PHF21A: variants seen among roughly 807,000 people sequenced by gnomAD.
PHF21A encodes BHC80a.
Under a neutral mutation model 82.5 loss-of-function variants are expected in PHF21A, and 11 were observed. The ratio of observed to expected loss-of-function variants is 0.13; its 90% CI spans 0.08 to 0.22. The LOEUF (loss-of-function observed/expected upper bound fraction) is 0.22, where lower values mean the gene tolerates loss of function less well. PHF21A is among the 10% of genes least tolerant of loss of function. PHF21A has a pLI of 1.00. For missense variants in PHF21A, 579 were observed against 837.8 expected, an observed-to-expected ratio of 0.69 and a Z score of 3.81; for synonymous variants, 297 against 302.8, an observed-to-expected ratio of 0.98 and a Z score of 0.20.
intron 6 of PHF21A, among the ~76,000 whole-genome samples, chr11:46,008,606 G>A (rs1005475732): frequency 7.2e-5 from 11 of 152,102 alleles, no homozygotes; most frequent in African/African-American, 9.7e-5. Flanking sequence ...GGCAAGATAT[G>A]GTGGAAATGT....
intron 3 of PHF21A, among the ~76,000 whole-genome samples, chr11:46,087,718 T>C (rs559314818): frequency 6.6e-6 from 1 of 152,308 alleles, no homozygotes; most frequent in East Asian, 1.9e-4. Context: ...GGGTCTCATA[T>C]GTTGCCCAGG....
At chr11:46,050,690 T>TA (rs1462587521) in intron 6 of PHF21A, among the ~76,000 whole-genome samples, 1 of 152,218 alleles carries the variant, frequency 6.6e-6, no homozygotes, top group East Asian at 1.9e-4. Context: ...TTACAATTTT[T>TA]AATTACTTCA....
At chr11:45,974,559 T>A (rs2093934987) in intron 7 of PHF21A, among the ~76,000 whole-genome samples, 1 of 152,010 alleles carries the variant, frequency 6.6e-6, no homozygotes, top group African/African-American at 2.4e-5. Context: ...GCTCAAGTAA[T>A]CCTCCCATCT....
At chr11:46,117,092 C>G (rs1281475752) in intron 1 of PHF21A, 3 of 152,202 alleles carry the variant, frequency 2.0e-5, no homozygotes, top group Admixed American at 6.5e-5. Context: ...AATTAGTTAC[C>G]TATCTCAACA....
chr11:46,076,992 C>T (rs1414726324), intron 5 of PHF21A, among the ~76,000 whole-genome samples, 173 bp from the exon 6 acceptor site: 2 of 152,220 alleles, frequency 1.3e-5, no homozygotes, highest in African/African-American at 4.8e-5. Flanking sequence ...ATGCACAGAT[C>T]CTAAATACAG....
intron 6 of PHF21A, among the ~76,000 whole-genome samples, chr11:46,011,320 C>G (rs1000179045): frequency 2.0e-5 from 3 of 152,086 alleles, no homozygotes; most frequent in African/African-American, 7.2e-5. Context: ...AAAACCCTGT[C>G]TCTACTAAAA....
rs1252364834 is a variant in PHF21A at position 46,092,201 on chromosome 11, C to T, written c.-214G>A. 2 of 151,970 alleles carry T rather than the reference C, an allele frequency of 1.3e-5. No individual in the cohort carries two copies. Among genetic ancestry groups the T allele is most frequent in the Non-Finnish European group, 2.9e-5 (2 of 68,014 alleles). The allele number at this position is 151,970 out of a possible 1,614,324, so 9.4% of individuals were successfully genotyped here. A position where few individuals can be genotyped will look rare whatever the true frequency, so the allele number is the denominator to read the frequency against. On this transcript the variant is annotated 5_prime_UTR_variant, in exon 2 of 19. Transcript: ENST00000676320. ...TACTTACCAATTTTGGGGAAACTGG[C>T]TCTCCTTCAGCTCTCTAGCCCCCTA...
chr11:46,090,928 T>A (rs2096917087), intron 2 of PHF21A, among the ~76,000 whole-genome samples: 1 of 152,078 alleles, frequency 6.6e-6, no homozygotes, highest in South Asian at 2.1e-4. Context: ...ACAAAAAAAA[T>A]TTGCAACCTC....
chr11:46,062,016 C>T (rs1201517539), intron 6 of PHF21A, among the ~76,000 whole-genome samples: 2 of 151,948 alleles, frequency 1.3e-5, no homozygotes, highest in African/African-American at 2.4e-5. Flanking sequence ...CCAATGACTG[C>T]TAGCTTTCTT....
intron 6 of PHF21A, among the ~76,000 whole-genome samples, chr11:46,009,826 T>C (rs932707516): frequency 3.9e-5 from 6 of 152,252 alleles, no homozygotes; most frequent in African/African-American, 1.2e-4. Flanking sequence ...GTGTGGTTAC[T>C]CAGGATAACA....
intron 4 of PHF21A, among the ~76,000 whole-genome samples, chr11:46,079,437 G>A (rs1446062202): frequency 6.6e-6 from 1 of 152,218 alleles, no homozygotes; most frequent in African/African-American, 2.4e-5. Flanking sequence ...GCTTCCGAAA[G>A]GAATTTAAGC....
In PHF21A at chr11:46,076,837, A is replaced by G; in HGVS notation, c.88-18T>C. 6.3e-7 allele frequency: 1 copy of G among 1,592,482 alleles called. No homozygotes were observed. Among genetic ancestry groups the G allele is most frequent in the Non-Finnish European group, 8.6e-7 (1 of 1,160,364 alleles). ...TCAGCATTCTGATTGGAAAGAAAAAATATCTGTGAGAAAGATATTTCATTT... is the reference window on the plus strand; with the variant it reads ...TCAGCATTCTGATTGGAAAGAAAAAGTATCTGTGAGAAAGATATTTCATTT... On this transcript the variant is annotated intron_variant, in intron 5 of 18. Coordinates refer to ENST00000676320, the MANE Select transcript of PHF21A (RefSeq NM_001352027.3).
At chr11:46,044,463 AT>A (rs1439724801) in intron 6 of PHF21A, among the ~76,000 whole-genome samples, 2 of 146,408 alleles carry the variant, frequency 1.4e-5, no homozygotes. Context: ...TTCCACCCCC[AT>A]TTGGATTTCA....
intron 10 of PHF21A, among the ~76,000 whole-genome samples, chr11:45,959,297 T>C (rs1325578827): frequency 6.6e-6 from 1 of 152,248 alleles, no homozygotes; most frequent in Non-Finnish European, 1.5e-5. Flanking sequence ...TGTATATGTA[T>C]ATCAAACCAT....
At chr11:45,991,410 C>T (rs1231481992) in intron 6 of PHF21A, among the ~76,000 whole-genome samples, 1 of 152,066 alleles carries the variant, frequency 6.6e-6, no homozygotes, top group Non-Finnish European at 1.5e-5. Flanking sequence ...AAACCTAGGT[C>T]ACAAATCAGG....
intron 6 of PHF21A, among the ~76,000 whole-genome samples, chr11:46,008,376 T>C (rs2095343423): frequency 6.6e-6 from 1 of 152,138 alleles, no homozygotes; most frequent in Non-Finnish European, 1.5e-5. Flanking sequence ...ATGGCCTGGG[T>C]TCTGAAAAGA....
intron 7 of PHF21A, among the ~76,000 whole-genome samples, chr11:45,976,792 C>A (rs1205281403): frequency 6.6e-6 from 1 of 152,110 alleles, no homozygotes; most frequent in Non-Finnish European, 1.5e-5. Context: ...TGAGATTGTG[C>A]CACTGCACTC....
chr11:45,982,618 G>A (rs182490297), intron 6 of PHF21A, among the ~76,000 whole-genome samples: 27 of 152,262 alleles, frequency 1.8e-4, no homozygotes, highest in Non-Finnish European at 3.5e-4. Context: ...AAATTTTATT[G>A]CTTGGTGACT....
chr11:46,096,786 T>C (rs2097003169), intron 1 of PHF21A, among the ~76,000 whole-genome samples: 1 of 152,146 alleles, frequency 6.6e-6, no homozygotes, highest in South Asian at 2.1e-4. Context: ...TGTTTATCTC[T>C]AGCACATATC....
Sources: gnomAD v4.1 joint callset for allele counts (sites outside exome capture counted in the v4.1 genomes callset) on GRCh38, gnomAD v4.1.1 for gene constraint, MANE v1.5 for transcripts, NCBI Gene and HGNC (gene_info 2026-07-23, HGNC 2026-07-21) for gene names.